The following CDC14A variants were observed in gnomAD, a reference collection of about 807,000 sequenced individuals.
CDC14A encodes dual specificity protein phosphatase CDC14A.
CDC14A carries 53 observed loss-of-function variants against 74.4 expected under a neutral mutation model. That is an observed-to-expected ratio of 0.71 (90% CI 0.57 to 0.89). The LOEUF (loss-of-function observed/expected upper bound fraction) is 0.89. Among genes scored for constraint, CDC14A ranks in the 40% least tolerant of loss-of-function variants. CDC14A has a pLI of 0.00. For synonymous variants in CDC14A, 247 were observed against 258.4 expected, an observed-to-expected ratio of 0.96 and a Z score of 0.43; for missense variants, 646 against 713.7, an observed-to-expected ratio of 0.91 and a Z score of 1.08.
At position 100,501,253 on chromosome 1, in the gene CDC14A, T is replaced by C. The variant is rs147036730; in HGVS notation, c.1755+1991T>C. The stretch of plus-strand genomic sequence containing the variant: ...CAGGCATTGAGTTCAGTCAGCATTT[T>C]CACATACCGATTGTGGATCAGCCTC... On this transcript the variant is annotated intron_variant, in intron 15 of 15. Coordinates refer to ENST00000336454, the MANE Select transcript of CDC14A (RefSeq NM_003672.4). 1.3e-3 allele frequency among the ~76,000 whole-genome samples: 194 copies of C among 152,342 alleles called. 2 individuals carry two copies. Among genetic ancestry groups the C allele is most frequent in the Non-Finnish European group, 2.4e-3 (163 of 68,030 alleles).
chr1:100,404,862 C>CAAAAA (rs1659749336), intron 4 of CDC14A, among the ~76,000 whole-genome samples: 2 of 108,542 alleles, frequency 1.8e-5, no homozygotes, highest in Admixed American at 9.1e-5. Flanking sequence ...CAAAACAAAA[C>CAAAAA]AAAAAACTAA....
intron 2 of CDC14A, among the ~76,000 whole-genome samples, chr1:100,366,006 T>C (rs560409838): frequency 7.9e-5 from 12 of 152,014 alleles, no homozygotes; most frequent in African/African-American, 2.9e-4. Context: ...AGGATACTGC[T>C]ATTTTAGCAT....
At chr1:100,450,672 C>T (rs1165394763) in intron 7 of CDC14A, among the ~76,000 whole-genome samples, 2 of 152,164 alleles carry the variant, frequency 1.3e-5, no homozygotes, top group Non-Finnish European at 2.9e-5. Context: ...CCAGTGTTTC[C>T]GTATCTGTTA....
chr1:100,372,747 G>C (rs1654653591), intron 2 of CDC14A, among the ~76,000 whole-genome samples: 1 of 152,184 alleles, frequency 6.6e-6, no homozygotes, highest in Admixed American at 6.5e-5. Flanking sequence ...TCAAACTCCT[G>C]TGAATGTTAA....
chr1:100,458,273 T>C (rs561278256), intron 8 of CDC14A, among the ~76,000 whole-genome samples: 2 of 152,236 alleles, frequency 1.3e-5, no homozygotes, highest in East Asian at 3.8e-4. Flanking sequence ...TGTGTTGTTT[T>C]AAATTTTATT....
intron 2 of CDC14A, among the ~76,000 whole-genome samples, chr1:100,360,052 C>T (rs1332435793): frequency 1.3e-5 from 2 of 149,512 alleles, no homozygotes; most frequent in Non-Finnish European, 3.0e-5. Context: ...AACCGATTCT[C>T]GTGCCTCAGC....
intron 4 of CDC14A, among the ~76,000 whole-genome samples, chr1:100,396,161 G>A (rs1658448453): frequency 6.6e-6 from 1 of 152,216 alleles, no homozygotes; most frequent in Non-Finnish European, 1.5e-5. Flanking sequence ...GGGTTAGGCC[G>A]GGTATTCACC....
chr1:100,360,408 A>G (rs911048725), intron 2 of CDC14A, among the ~76,000 whole-genome samples: 1 of 151,436 alleles, frequency 6.6e-6, no homozygotes, highest in African/African-American at 2.4e-5. Flanking sequence ...CAGTGGGGCA[A>G]TCTCGGCTCA....
chr1:100,491,546 C>CTATATATATA (rs1300450625), intron 11 of CDC14A, among the ~76,000 whole-genome samples: 2 of 39,928 alleles, frequency 5.0e-5, no homozygotes, highest in African/African-American at 7.6e-5. Context: ...CTCTCTCTCT[C>CTATATATATA]TCTATATATA....
chr1:100,387,939 A>G (rs1489232673), intron 3 of CDC14A, among the ~76,000 whole-genome samples: 2 of 152,256 alleles, frequency 1.3e-5, no homozygotes, highest in Non-Finnish European at 2.9e-5. Context: ...TGTCCCTTTC[A>G]GCAAGTAGAT....
intron 4 of CDC14A, among the ~76,000 whole-genome samples, chr1:100,412,754 TTTA>T (rs1661012668): frequency 2.9e-5 from 3 of 102,308 alleles, no homozygotes; most frequent in African/African-American, 1.2e-4. Flanking sequence ...ATATATATAT[TTTA>T]TATATATATA....
intron 10 of CDC14A, among the ~76,000 whole-genome samples, chr1:100,474,139 T>G (rs1239415194): frequency 2.6e-5 from 4 of 152,216 alleles, no homozygotes; most frequent in Non-Finnish European, 2.9e-5. Context: ...GTTAATATGG[T>G]AGATTGCATC....
intron 15 of CDC14A, chr1:100,504,859 C>A: frequency 5.2e-6 from 8 of 1,535,618 alleles, no homozygotes; most frequent in Non-Finnish European, 6.1e-6. Context: ...TCTTGGAAGC[C>A]CCCTGCTCTC....
At position 100,519,569 on chromosome 1, in the gene CDC14A, T is replaced by C. The variant is rs185509062; in HGVS notation, c.*1289T>C. 1.3e-3 allele frequency: 198 copies of C among 152,684 alleles called. 1 individual carries two copies. The highest frequency in any genetic ancestry group is 4.3e-3 in the African/African-American group (177 of 41,576). The allele number at this position is 152,684 out of a possible 1,614,324, so 9.5% of individuals were successfully genotyped here. On this transcript the variant is annotated 3_prime_UTR_variant, in exon 16 of 16. Coordinates refer to ENST00000336454, the MANE Select transcript of CDC14A (RefSeq NM_003672.4). ...TTACTCCCAACCATTGAGTTATTTA[T>C]AATGTATTTATTAGGGGAGGGTACC...
chr1:100,469,367 A>G (rs529810987), intron 10 of CDC14A, among the ~76,000 whole-genome samples: 1 of 152,350 alleles, frequency 6.6e-6, no homozygotes, highest in East Asian at 1.9e-4. Context: ...TGAATGCATT[A>G]GAAAAAATAT....
intron 10 of CDC14A, among the ~76,000 whole-genome samples, chr1:100,475,895 T>A (rs1379430648): frequency 6.6e-6 from 1 of 152,090 alleles, no homozygotes; most frequent in Non-Finnish European, 1.5e-5. Context: ...GGGATCTCAT[T>A]ATCTGACTCC....
chr1:100,489,459 G>C (rs1183952376), intron 11 of CDC14A, among the ~76,000 whole-genome samples: 2 of 151,966 alleles, frequency 1.3e-5, no homozygotes, highest in Non-Finnish European at 2.9e-5. Flanking sequence ...TTTAGGTTTT[G>C]GTCAGCAATT....
At chr1:100,412,707 TA>T (rs1270381559) in intron 4 of CDC14A, among the ~76,000 whole-genome samples, 4 of 101,906 alleles carry the variant, frequency 3.9e-5, no homozygotes, top group African/African-American at 6.2e-5. Flanking sequence ...TATATATATA[TA>T]TATATATATA....
intron 15 of CDC14A, among the ~76,000 whole-genome samples, chr1:100,516,756 T>G (rs1336820141): frequency 3.3e-5 from 5 of 152,210 alleles, no homozygotes; most frequent in African/African-American, 9.6e-5. Context: ...TTTGACCAAC[T>G]TCACTGGACT....
Sources: allele counts gnomAD v4.1 joint callset (sites outside exome capture counted in the v4.1 genomes callset), GRCh38; gene constraint gnomAD v4.1.1; transcripts MANE v1.5; gene names NCBI Gene and HGNC (gene_info 2026-07-23, HGNC 2026-07-21).